DENND1B: variants seen among roughly 807,000 people sequenced by gnomAD.
DENND1B encodes the protein DENN domain-containing protein 1B.
A neutral mutation model predicts 90.1 loss-of-function variants in DENND1B; 59 were observed. The observed-to-expected ratio is 0.65, with a 90% CI of 0.53 to 0.81. The LOEUF (loss-of-function observed/expected upper bound fraction) is 0.81, where lower values mean the gene tolerates loss of function less well. Among genes scored for constraint, DENND1B ranks in the 40% least tolerant of loss-of-function variants. The pLI, the probability that DENND1B is intolerant of heterozygous loss-of-function variation, is 0.00. For synonymous variants in DENND1B, 337 were observed against 324.6 expected (o/e 1.04, Z -0.41); for missense variants, 862 against 912.6 (o/e 0.94, Z 0.71).
intron 3 of DENND1B, among the ~76,000 whole-genome samples, chr1:197,691,602 C>T (rs1657889699): frequency 1.3e-5 from 2 of 151,948 alleles, no homozygotes; most frequent in Admixed American, 6.6e-5. Flanking sequence ...ATTCCCACTC[C>T]TGGGTATTTA....
chr1:197,536,802 G>A (rs1669939355), intron 20 of DENND1B, among the ~76,000 whole-genome samples: 1 of 152,078 alleles, frequency 6.6e-6, no homozygotes, highest in South Asian at 2.1e-4. Flanking sequence ...AGCACTTTGG[G>A]AGGCCGAGGC....
chr1:197,511,197 A>C (rs1363794724), intron 22 of DENND1B, among the ~76,000 whole-genome samples: 1 of 151,796 alleles, frequency 6.6e-6, no homozygotes, highest in Admixed American at 6.6e-5. Context: ...AATTCAAACT[A>C]GATTATATAA....
chr1:197,542,831 A>G (rs900846395), intron 18 of DENND1B, among the ~76,000 whole-genome samples: 6 of 152,202 alleles, frequency 3.9e-5, no homozygotes, highest in Admixed American at 3.9e-4. Flanking sequence ...CACAAGATAA[A>G]TGATAAAAAA....
chr1:197,694,099 T>A (rs1414658209), intron 3 of DENND1B, among the ~76,000 whole-genome samples: 1 of 151,366 alleles, frequency 6.6e-6, no homozygotes. Flanking sequence ...CGTTTATCTA[T>A]TAATAATGTG....
chr1:197,713,750 A>G (rs1358500728), intron 3 of DENND1B, among the ~76,000 whole-genome samples: 1 of 81,362 alleles, frequency 1.2e-5, no homozygotes, highest in African/African-American at 5.3e-5. Context: ...AAAAAAATTA[A>G]AAAAAAAATA....
rs1295886389 is a variant in DENND1B, at chr1:197,505,573, TTTA to T, written c.*4884_*4886del. The T allele has an allele frequency of 6.6e-6, 1 of 151,632 alleles. No individual in the cohort carries two copies. The allele number at this position is 151,632 out of a possible 1,614,324, so 9.4% of individuals were successfully genotyped here. ...TTAACATTGCTCTTCAGTACCTTGC[TTTA>T]TTATTATTTTTTTGGTATGTCTGCA... On this transcript the variant is annotated 3_prime_UTR_variant, in exon 23 of 23. Coordinates refer to ENST00000620048, the MANE Select transcript of DENND1B (RefSeq NM_001195215.2).
At chr1:197,694,732 T>C (rs1261776380) in intron 3 of DENND1B, among the ~76,000 whole-genome samples, 1 of 151,338 alleles carries the variant, frequency 6.6e-6, no homozygotes, top group Non-Finnish European at 1.5e-5. Flanking sequence ...TTTCTATAGA[T>C]TGCTGCATAA....
chr1:197,763,697 G>A (rs988379722), intron 2 of DENND1B, among the ~76,000 whole-genome samples: 3 of 152,176 alleles, frequency 2.0e-5, no homozygotes, highest in African/African-American at 7.2e-5. Flanking sequence ...ATAACCACCT[G>A]ACAACCAATT....
chr1:197,735,306 C>T (rs1338078685), intron 2 of DENND1B: 2 of 1,235,790 alleles, frequency 1.6e-6, no homozygotes, highest in African/African-American at 3.1e-5. Flanking sequence ...TCTACTATAC[C>T]TCTGCTTCAA....
chr1:197,729,787 GT>G (rs1394031064), intron 2 of DENND1B, among the ~76,000 whole-genome samples: 1 of 152,056 alleles, frequency 6.6e-6, no homozygotes, highest in African/African-American at 2.4e-5. Context: ...AAGAACTTTT[GT>G]TTAGGTGAGT....
chr1:197,645,141 A>G (rs1235315552), intron 9 of DENND1B, among the ~76,000 whole-genome samples: 1 of 152,152 alleles, frequency 6.6e-6, no homozygotes, highest in East Asian at 1.9e-4. Context: ...TGAAAATTTT[A>G]GCAATTTTTA....
At chr1:197,713,748 T>TA (rs1195647689) in intron 3 of DENND1B, among the ~76,000 whole-genome samples, 18 of 74,830 alleles carry the variant, frequency 2.4e-4, no homozygotes, top group South Asian at 2.2e-3. Context: ...AAAAAAAAAT[T>TA]AAAAAAAAAA....
chr1:197,713,816 TATAA>T (rs1660261114), intron 3 of DENND1B, among the ~76,000 whole-genome samples: 1 of 63,734 alleles, frequency 1.6e-5, no homozygotes, highest in African/African-American at 8.2e-5. Context: ...ATATATTATA[TATAA>T]TATATTATAT....
intron 3 of DENND1B, 145 bp from the exon 4 acceptor site, chr1:197,674,314 A>G (rs1018348428): frequency 7.9e-6 from 5 of 629,782 alleles, no homozygotes; most frequent in African/African-American, 7.4e-5. Context: ...GACTAAAATA[A>G]TTGATTATTA....
At chr1:197,675,057 TAA>T (rs1437757183) in intron 3 of DENND1B, among the ~76,000 whole-genome samples, 95 of 152,252 alleles carry the variant, frequency 6.2e-4, no homozygotes, top group African/African-American at 2.2e-3. Flanking sequence ...ATTCAAAAGT[TAA>T]ACTTTAAACT....
At chr1:197,649,997 A>C (rs1652936770) in intron 7 of DENND1B, among the ~76,000 whole-genome samples, 1 of 152,192 alleles carries the variant, frequency 6.6e-6, no homozygotes, top group African/African-American at 2.4e-5. Flanking sequence ...CAATAAATTC[A>C]AACAAATCAG....
At chr1:197,624,988 A>G (rs1678532838) in intron 10 of DENND1B, among the ~76,000 whole-genome samples, 1 of 151,972 alleles carries the variant, frequency 6.6e-6, no homozygotes, top group Admixed American at 6.6e-5. Context: ...AAAGAAACAA[A>G]CAAAGCCTCC....
chr1:197,723,194 C>T (rs1571504377), intron 2 of DENND1B, among the ~76,000 whole-genome samples: 1 of 152,116 alleles, frequency 6.6e-6, no homozygotes, highest in Non-Finnish European at 1.5e-5. Flanking sequence ...TTAGATATAA[C>T]ATTTTGCTAC....
intron 2 of DENND1B, among the ~76,000 whole-genome samples, chr1:197,769,857 C>G (rs974637655): frequency 5.3e-5 from 8 of 152,020 alleles, no homozygotes; most frequent in Non-Finnish European, 1.2e-4. Context: ...ATTCCAATAA[C>G]TTTTAAAATA....
Sources: allele counts gnomAD v4.1 joint callset (sites outside exome capture counted in the v4.1 genomes callset), GRCh38; gene constraint gnomAD v4.1.1; transcripts MANE v1.5; gene names NCBI Gene and HGNC (gene_info 2026-07-23, HGNC 2026-07-21).